The following PDGFA variants were observed in gnomAD, a reference collection of about 807,000 sequenced individuals.
The protein encoded by PDGFA is platelet-derived growth factor subunit A.
Under a neutral mutation model 25.6 loss-of-function variants are expected in PDGFA, and 9 were observed. The ratio of observed to expected loss-of-function variants is 0.35; its 90% CI spans 0.21 to 0.61. The LOEUF (loss-of-function observed/expected upper bound fraction) is 0.61, where lower values mean the gene tolerates loss of function less well. Among genes scored for constraint, PDGFA ranks in the 20% least tolerant of loss-of-function variants. The pLI, the probability that PDGFA is intolerant of heterozygous loss-of-function variation, is 0.75. For synonymous variants in PDGFA, 133 were observed against 111.8 expected, an observed-to-expected ratio of 1.19 and a Z score of -1.20; for missense variants, 242 against 272.8, an observed-to-expected ratio of 0.89 and a Z score of 0.79.
intron 4 of PDGFA, among the ~76,000 whole-genome samples, chr7:510,186 G>A (rs943851884): frequency 3.3e-5 from 5 of 152,150 alleles, no homozygotes; most frequent in East Asian, 1.9e-4. Context: ...GGTCTAGGGC[G>A]TGGAAAGGAG....
At chr7:516,099 C>A (rs1353710911) in intron 2 of PDGFA, among the ~76,000 whole-genome samples, 1 of 134,944 alleles carries the variant, frequency 7.4e-6, no homozygotes, top group Non-Finnish European at 1.5e-5. Flanking sequence ...GCAAGGGATT[C>A]CCCCCCACAA....
intron 5 of PDGFA, among the ~76,000 whole-genome samples, chr7:499,720 TCCCCC>T (rs1162560758): frequency 2.2e-4 from 5 of 23,050 alleles, no homozygotes; most frequent in African/African-American, 8.0e-4. Context: ...ATTTTGCCCT[TCCCCC>T]CCCCCCCCGC....
At chr7:498,373 T>C in exon 6 of PDGFA, 1 of 602,316 alleles carries the variant, frequency 1.7e-6, no homozygotes, top group East Asian at 2.8e-5. Flanking sequence ...CACCGAGTGC[T>C]ACAATACTTG....
intron 3 of PDGFA, 63 bp downstream of exon 3, chr7:512,288 C>T (rs1051379955): frequency 4.1e-5 from 60 of 1,459,312 alleles, no homozygotes; most frequent in East Asian, 2.1e-4. Context: ...CCCTGCCCAT[C>T]GCGGCCTCCT....
At chr7:506,175 C>CGAAAAAAAAAAAA (rs1782556836) in intron 4 of PDGFA, among the ~76,000 whole-genome samples, 1 of 107,352 alleles carries the variant, frequency 9.3e-6, no homozygotes. Flanking sequence ...GACTCTGTCT[C>CGAAAAAAAAAAAA]AAAAAAAAAA....
At position 505,204 on chromosome 7, in the gene PDGFA, C is replaced by T. The variant is rs1406244390; in HGVS notation, c.454-3962G>A. Reference sequence around the variant, plus strand: ...AGAACAGACTACAATGTCCTCAGGACCCCCACGGGGGGTACCCCGGCCCCC... The same window carrying T: ...AGAACAGACTACAATGTCCTCAGGATCCCCACGGGGGGTACCCCGGCCCCC... On this transcript the variant is annotated intron_variant, in intron 4 of 5. Transcript: ENST00000402802. Among the ~76,000 whole-genome samples, 7 of 152,322 alleles carry T rather than the reference C, an allele frequency of 4.6e-5. No homozygotes were observed. In the East Asian group the frequency reaches 9.7e-4, roughly 21 times the overall value.
upstream of PDGFA, chr7:519,972 C>T (rs1783303644): frequency 3.2e-6 from 1 of 311,852 alleles, no homozygotes; most frequent in South Asian, 2.3e-5. Flanking sequence ...CGGAAGCGCT[C>T]GGGGTTCGTG....
intron 2 of PDGFA, among the ~76,000 whole-genome samples, chr7:514,263 G>T (rs1782988472): frequency 6.6e-6 from 1 of 152,186 alleles, no homozygotes; most frequent in Non-Finnish European, 1.5e-5. Flanking sequence ...GACTCATGTG[G>T]TCTGCGTCCA....
chr7:506,685 G>A (rs1383837682), intron 4 of PDGFA, among the ~76,000 whole-genome samples: 1 of 152,132 alleles, frequency 6.6e-6, no homozygotes. Flanking sequence ...CGAGGCTTGG[G>A]TCTGGGGGAG....
intron 2 of PDGFA, among the ~76,000 whole-genome samples, chr7:513,836 G>A (rs1457077384): frequency 3.9e-5 from 6 of 152,330 alleles, no homozygotes; most frequent in Non-Finnish European, 7.3e-5. Flanking sequence ...AGGCAAAGAC[G>A]AAGCTCGCCC....
intron 2 of PDGFA, among the ~76,000 whole-genome samples, chr7:514,366 C>G (rs1221235637): frequency 6.6e-6 from 1 of 152,182 alleles, no homozygotes; most frequent in African/African-American, 2.4e-5. Context: ...CCCCAGAAAG[C>G]CTGAGCTGGC....
chr7:518,729 C>T (rs1469993750), intron 1 of PDGFA, among the ~76,000 whole-genome samples: 1 of 152,210 alleles, frequency 6.6e-6, no homozygotes, highest in Non-Finnish European at 1.5e-5. Flanking sequence ...CTCCCCGGTC[C>T]CCCCGAGGCA....
intron 2 of PDGFA, 70 bp from the exon 3 acceptor site, chr7:512,525 A>G (rs1259963195): frequency 6.2e-7 from 1 of 1,608,048 alleles, no homozygotes; most frequent in East Asian, 2.2e-5. Flanking sequence ...GTCCAGCCGC[A>G]CTTCCCACAG....
At chr7:497,949 A>C (rs1562481572) in exon 6 of PDGFA, 5 of 113,752 alleles carry the variant, frequency 4.4e-5, no homozygotes, top group African/African-American at 6.5e-5. Flanking sequence ...TAAAAAAAAA[A>C]AAAAAAAAAC....
chr7:503,289 C>T lies in PDGFA; in HGVS notation c.454-2047G>A, dbSNP rs140964187. ...CCAGCAGGCGCTCCATCTGTGCCCA[C>T]GGAACCAGCCCTGCCGCATGCAGGG... is the stretch of plus-strand genomic sequence containing the variant. On this transcript the variant is annotated intron_variant, in intron 4 of 5. Transcript: ENST00000402802. Among the ~76,000 whole-genome samples, 168 of 152,312 alleles carry T rather than the reference C, an allele frequency of 1.1e-3. 1 individual carries two copies. Among genetic ancestry groups the T allele is most frequent in the Non-Finnish European group, 5.1e-4 (35 of 68,012 alleles).
chr7:501,091 G>A (rs372739584), intron 5 of PDGFA, 25 bp downstream of exon 5: 18 of 1,614,024 alleles, frequency 1.1e-5, no homozygotes, highest in African/African-American at 6.7e-5. Flanking sequence ...CTCCAACACC[G>A]ATGCCGACGA....
In PDGFA at chr7:517,545, G is replaced by T; in HGVS notation, c.64-55C>A. The T allele has an allele frequency of 1.3e-6, 1 of 792,950 alleles. No homozygotes were observed. Among genetic ancestry groups the T allele is most frequent in the Non-Finnish European group, 1.6e-6 (1 of 626,102 alleles). 49.1% of individuals were successfully genotyped at this position (792,950 alleles called of 1,614,324 possible). On this transcript the variant is annotated intron_variant, in intron 1 of 5. Coordinates refer to ENST00000402802, the Ensembl canonical transcript of PDGFA. The surrounding 1 kb of genome is among the most constrained non-coding windows in gnomAD (Gnocchi z 7.4). ...CGCGGCCCCGACCCCGCCGGCACGC[G>T]CCCCCGGCCGCCAGGAGCGCCGCCG... is the stretch of plus-strand genomic sequence containing the variant.
At chr7:502,501 CA>C (rs1782389245) in intron 4 of PDGFA, among the ~76,000 whole-genome samples, 1 of 152,178 alleles carries the variant, frequency 6.6e-6, no homozygotes, top group Non-Finnish European at 1.5e-5. Context: ...CGAGGCTACA[CA>C]AGATGATCCA....
chr7:507,889 AC>A (rs934816867), intron 4 of PDGFA, among the ~76,000 whole-genome samples: 28 of 151,386 alleles, frequency 1.8e-4, no homozygotes, highest in African/African-American at 6.3e-4. Context: ...TCCTTCCCTG[AC>A]CCCCCGGCGG....
Sources: allele counts gnomAD v4.1 joint callset (sites outside exome capture counted in the v4.1 genomes callset), GRCh38; gene constraint gnomAD v4.1.1; non-coding constraint Gnocchi (gnomAD v3.1); transcripts MANE v1.5; gene names NCBI Gene and HGNC (gene_info 2026-07-23, HGNC 2026-07-21).